PTPRD: variants seen among roughly 807,000 people sequenced by gnomAD.
The protein encoded by PTPRD is receptor-type tyrosine-protein phosphatase delta.
In PTPRD, 34 loss-of-function variants were observed where a neutral mutation model predicts 214.5. The ratio of observed to expected loss-of-function variants is 0.16; its 90% CI spans 0.12 to 0.21. The LOEUF (loss-of-function observed/expected upper bound fraction) is 0.21, where lower values mean the gene tolerates loss of function less well. PTPRD is among the 10% of genes least tolerant of loss of function. The pLI is 1.00. For synonymous variants in PTPRD, 1,128 were observed against 845.7 expected, an observed-to-expected ratio of 1.33 and a Z score of -5.79; for missense variants, 2,545 against 2,398.7, an observed-to-expected ratio of 1.06 and a Z score of -1.27.
intron 4 of PTPRD, among the ~76,000 whole-genome samples, chr9:9,973,857 G>A (rs2095250958): frequency 1.3e-5 from 2 of 152,096 alleles, no homozygotes; most frequent in South Asian, 2.1e-4. Context: ...TAATTAGCCA[G>A]TAAGTGCAAA....
chr9:9,409,509 G>T (rs555156833), intron 8 of PTPRD, among the ~76,000 whole-genome samples: 1 of 151,950 alleles, frequency 6.6e-6, no homozygotes, highest in Non-Finnish European at 1.5e-5. Flanking sequence ...AACACAGCTG[G>T]TGAGTAAACA....
intron 8 of PTPRD, among the ~76,000 whole-genome samples, chr9:9,491,448 G>A (rs1024041522): frequency 3.3e-5 from 5 of 151,948 alleles, no homozygotes; most frequent in East Asian, 3.9e-4. Flanking sequence ...TAGATCTAAC[G>A]GAAATGTACA....
intron 14 of PTPRD, among the ~76,000 whole-genome samples, chr9:8,599,655 C>T (rs1486718796): frequency 9.9e-6 from 1 of 100,746 alleles, no homozygotes; most frequent in Non-Finnish European, 1.8e-5. Flanking sequence ...CGGAGTTTCA[C>T]TCTTGTTGCC....
At chr9:9,275,164 A>C (rs541238630) in intron 9 of PTPRD, among the ~76,000 whole-genome samples, 1 of 48,938 alleles carries the variant, frequency 2.0e-5, no homozygotes, top group Non-Finnish European at 3.2e-5. Context: ...TATATATATA[A>C]CATATATATA....
intron 10 of PTPRD, among the ~76,000 whole-genome samples, chr9:9,100,327 GA>G: frequency 6.6e-6 from 1 of 152,204 alleles, no homozygotes; most frequent in South Asian, 2.1e-4. Flanking sequence ...TTTGGCATCA[GA>G]ATTTATAGAA....
intron 8 of PTPRD, among the ~76,000 whole-genome samples, chr9:9,449,030 T>A (rs1171387232): frequency 6.6e-6 from 1 of 152,114 alleles, no homozygotes; most frequent in African/African-American, 2.4e-5. Context: ...TTATGGACCA[T>A]GTTATTAATG....
At chr9:9,793,242 A>C (rs1249131040) in intron 5 of PTPRD, among the ~76,000 whole-genome samples, 1 of 152,150 alleles carries the variant, frequency 6.6e-6, no homozygotes, top group African/African-American at 2.4e-5. Context: ...AAATTTTATC[A>C]TCCCATAGCT....
intron 14 of PTPRD, among the ~76,000 whole-genome samples, chr9:8,621,596 C>T (rs2095826987): frequency 6.6e-6 from 1 of 151,680 alleles, no homozygotes; most frequent in Non-Finnish European, 1.5e-5. Context: ...TTCTTCCTCC[C>T]AGATGATGAT....
intron 3 of PTPRD, among the ~76,000 whole-genome samples, chr9:10,332,086 T>G (rs1328353621): frequency 6.6e-6 from 1 of 151,884 alleles, no homozygotes. Flanking sequence ...TAAATTGTTT[T>G]AAAATCAGGG....
chr9:8,629,780 A>G (rs1452431987), intron 14 of PTPRD, among the ~76,000 whole-genome samples: 2 of 151,652 alleles, frequency 1.3e-5, no homozygotes, highest in Non-Finnish European at 2.9e-5. Flanking sequence ...TAAGCCCTAC[A>G]TTCACCTCCC....
intron 11 of PTPRD, among the ~76,000 whole-genome samples, chr9:8,741,414 G>A (rs1432442413): frequency 3.3e-5 from 5 of 152,172 alleles, no homozygotes; most frequent in East Asian, 3.9e-4. Flanking sequence ...TATTCAACAT[G>A]CCGTTGGAAC....
intron 35 of PTPRD, among the ~76,000 whole-genome samples, chr9:8,405,922 C>A (rs2092930508): frequency 6.6e-6 from 1 of 152,028 alleles, no homozygotes; most frequent in African/African-American, 2.4e-5. Flanking sequence ...TTTATCACAA[C>A]AGTAAAACTC....
At chr9:9,186,631 CCTCTCTCTCTCTCTCT>C (rs141616035) in intron 9 of PTPRD, among the ~76,000 whole-genome samples, 5 of 140,964 alleles carry the variant, frequency 3.5e-5, no homozygotes, top group African/African-American at 1.3e-4. Flanking sequence ...TCTGTCTCTC[CCTCTCTCTCTCTCTCT>C]CTCTCTCTCT....
At chr9:8,432,879 C>T (rs1003603786) in intron 35 of PTPRD, among the ~76,000 whole-genome samples, 1 of 152,174 alleles carries the variant, frequency 6.6e-6, no homozygotes, top group Non-Finnish European at 1.5e-5. Context: ...CTATCAGGTC[C>T]ACAGCTAAGC....
chr9:8,888,386 C>A (rs1290296365), intron 11 of PTPRD, among the ~76,000 whole-genome samples: 1 of 152,120 alleles, frequency 6.6e-6, no homozygotes, highest in Non-Finnish European at 1.5e-5. Context: ...TATACCTTCA[C>A]CCAATGGTTT....
chr9:9,513,597 A>T (rs7048518), intron 8 of PTPRD, among the ~76,000 whole-genome samples: 2 of 68,218 alleles, frequency 2.9e-5, no homozygotes, highest in South Asian at 1.7e-3. Flanking sequence ...CAAAAAAAAA[A>T]CAAATAAAAA....
rs116443130 is a variant in PTPRD at position 9,219,749 on chromosome 9, G to A, written c.-202-36386C>T. 7.0e-3 allele frequency among the ~76,000 whole-genome samples: 1,061 copies of A among 152,242 alleles called. 11 individuals are homozygous for A. Among genetic ancestry groups the A allele is most frequent in the African/African-American group, 0.024 (980 of 41,550 alleles). ...CATTTTCTGTGGAGTGAAGGCAGAA[G>A]GTGGATCAGAATTCTAACCTCCACC... On this transcript the variant is annotated intron_variant, in intron 9 of 45. Coordinates refer to ENST00000381196, the MANE Select transcript of PTPRD (RefSeq NM_002839.4).
At chr9:8,751,070 C>G (rs2093473258) in intron 11 of PTPRD, among the ~76,000 whole-genome samples, 1 of 152,126 alleles carries the variant, frequency 6.6e-6, no homozygotes, top group African/African-American at 2.4e-5. Context: ...TTCAGTGATC[C>G]TATGGCAGTC....
intron 9 of PTPRD, among the ~76,000 whole-genome samples, chr9:9,186,305 G>A (rs2131613647): frequency 6.6e-6 from 1 of 152,178 alleles, no homozygotes; most frequent in South Asian, 2.1e-4. Flanking sequence ...TGGTTGTTAT[G>A]GCTGAGGAAA....
Sources: allele counts gnomAD v4.1 joint callset (sites outside exome capture counted in the v4.1 genomes callset), GRCh38; gene constraint gnomAD v4.1.1; transcripts MANE v1.5; gene names NCBI Gene and HGNC (gene_info 2026-07-23, HGNC 2026-07-21).